The following CHCHD6 variants were observed in gnomAD, a reference collection of about 807,000 sequenced individuals.
The protein encoded by CHCHD6 is coiled-coil-helix-coiled-coil-helix domain containing 6.
CHCHD6 carries 28 observed loss-of-function variants against 32.3 expected under a neutral mutation model. The ratio of observed to expected loss-of-function variants is 0.87; its 90% CI spans 0.64 to 1.19. The LOEUF is 1.19. Ranked by LOEUF, CHCHD6 falls within the 50% of genes most tolerant of loss-of-function variation. The probability of loss-of-function intolerance (pLI) is 0.00; values close to 1 mark genes in which losing one functional copy is unlikely to be tolerated. For synonymous variants in CHCHD6, 122 were observed against 117.5 expected (o/e 1.04, Z -0.25); for missense variants, 333 against 307.0 (o/e 1.08, Z -0.63).
At chr3:126,817,782 C>T (rs1410516167) in intron 4 of CHCHD6, among the ~76,000 whole-genome samples, 2 of 152,160 alleles carry the variant, frequency 1.3e-5, no homozygotes, top group African/African-American at 4.8e-5. Flanking sequence ...CTCTTCTGCC[C>T]AGGACTGTGG....
intron 4 of CHCHD6, among the ~76,000 whole-genome samples, chr3:126,741,456 T>C (rs1322271985): frequency 6.6e-6 from 1 of 152,098 alleles, no homozygotes. Context: ...AAACACTTTA[T>C]TGATGGCCAG....
chr3:126,869,320 G>T (rs1425111597), intron 5 of CHCHD6, among the ~76,000 whole-genome samples: 1 of 124,208 alleles, frequency 8.1e-6, no homozygotes, highest in African/African-American at 3.0e-5. Context: ...TGATGACTGT[G>T]ATGGGGATTA....
chr3:126,745,750 C>A (rs1194643374), intron 4 of CHCHD6, among the ~76,000 whole-genome samples: 3 of 152,190 alleles, frequency 2.0e-5, no homozygotes, highest in African/African-American at 7.2e-5. Flanking sequence ...CCAGATCCCA[C>A]TAGTTGTTCT....
intron 5 of CHCHD6, among the ~76,000 whole-genome samples, chr3:126,898,985 G>A (rs2077881674): frequency 7.0e-6 from 1 of 143,636 alleles, no homozygotes; most frequent in Non-Finnish European, 1.5e-5. Flanking sequence ...GACCTGTGGG[G>A]CATTTGGTTC....
At chr3:126,951,366 CAG>C (rs2078713344) in intron 6 of CHCHD6, among the ~76,000 whole-genome samples, 1 of 152,040 alleles carries the variant, frequency 6.6e-6, no homozygotes, top group East Asian at 1.9e-4. Flanking sequence ...GAATACTGCA[CAG>C]AATGTTGTCA....
rs1399676760 is a variant in CHCHD6, at chr3:126,879,651, C to A, written c.495+26921C>A. ...CCAATGTGTGAACCTTGATTGGATC[C>A]TGAATGGGAGAGCAGCATCATTACT... On this transcript the variant is annotated intron_variant, in intron 5 of 7. Coordinates refer to ENST00000290913, the MANE Select transcript of CHCHD6 (RefSeq NM_032343.3). Among the ~76,000 whole-genome samples the A allele has an allele frequency of 2.6e-5, 4 of 152,124 alleles. No homozygotes were observed. The East Asian group carries it at 7.7e-4, about 29-fold the overall frequency.
At chr3:126,865,654 C>T in intron 5 of CHCHD6, 5 of 985,320 alleles carry the variant, frequency 5.1e-6, no homozygotes, top group Non-Finnish European at 6.0e-6. Context: ...ACCGCTACTA[C>T]TATTATCACC....
At position 126,730,573 on chromosome 3, in the gene CHCHD6, C is replaced by T; in HGVS notation, c.209C>T (p.Pro70Leu). ...CTTTCCTTTGCAGAATCCACACTGC[C>T]CAGGTCGGGGAGCAGTGGTGGCCAG... ...LRAPHKESTLPRSGSSGGQQP... is the reference protein window; with the variant it reads ...LRAPHKESTLLRSGSSGGQQP... Residue 70 changes from proline (P) to leucine (L), a missense_variant, in exon 3 of 8, where the codon CCC (proline) becomes CTC (leucine). Coordinates refer to ENST00000290913, the MANE Select transcript of CHCHD6 (RefSeq NM_032343.3). 1 of 1,613,732 alleles carries T rather than the reference C, an allele frequency of 6.2e-7. No individual in the cohort carries two copies. The highest frequency in any genetic ancestry group is 8.5e-7 in the Non-Finnish European group (1 of 1,179,796).
intron 1 of CHCHD6, among the ~76,000 whole-genome samples, chr3:126,725,831 T>C (rs1481107265): frequency 6.6e-6 from 1 of 152,254 alleles, no homozygotes; most frequent in African/African-American, 2.4e-5. Flanking sequence ...TTCAGTCTTT[T>C]CTTCTGCAGC....
At chr3:126,740,205 C>T (rs756969365) in intron 4 of CHCHD6, among the ~76,000 whole-genome samples, 2 of 152,166 alleles carry the variant, frequency 1.3e-5, no homozygotes, top group Non-Finnish European at 2.9e-5. Context: ...ATAGGCCCTA[C>T]TTGTCTGTGA....
chr3:126,893,268 T>C (rs1030376221), intron 5 of CHCHD6, among the ~76,000 whole-genome samples: 1 of 152,238 alleles, frequency 6.6e-6, no homozygotes, highest in African/African-American at 2.4e-5. Context: ...AGCCAGCTGA[T>C]TTATTTTTAA....
intron 4 of CHCHD6, among the ~76,000 whole-genome samples, chr3:126,807,020 G>C (rs1203951640): frequency 7.2e-6 from 1 of 139,046 alleles, no homozygotes; most frequent in African/African-American, 2.7e-5. Context: ...GACACAGGAA[G>C]GGGAACATCA....
intron 4 of CHCHD6, among the ~76,000 whole-genome samples, chr3:126,809,198 TC>T (rs1323552049): frequency 6.6e-6 from 1 of 152,280 alleles, no homozygotes; most frequent in East Asian, 1.9e-4. Context: ...GGTCTGGAAC[TC>T]CTGGCATCAA....
At chr3:126,749,446 T>C (rs1576369856) in intron 4 of CHCHD6, among the ~76,000 whole-genome samples, 1 of 152,220 alleles carries the variant, frequency 6.6e-6, no homozygotes, top group African/African-American at 2.4e-5. Flanking sequence ...GTTTCTGGCC[T>C]GAGCCAGATG....
At chr3:126,793,728 T>A (rs757748540) in intron 4 of CHCHD6, among the ~76,000 whole-genome samples, 7 of 152,332 alleles carry the variant, frequency 4.6e-5, no homozygotes, top group Middle Eastern at 3.4e-3. Context: ...CTTTCTTCAT[T>A]TTTTAAAAAT....
chr3:126,907,598 G>A (rs931399876), intron 5 of CHCHD6, among the ~76,000 whole-genome samples: 2 of 152,140 alleles, frequency 1.3e-5, no homozygotes, highest in African/African-American at 4.8e-5. Context: ...TGAATTTTGA[G>A]AAGCTTTGGA....
At chr3:126,920,211 C>CTTTTT (rs11414526) in intron 6 of CHCHD6, among the ~76,000 whole-genome samples, 4 of 138,134 alleles carry the variant, frequency 2.9e-5, no homozygotes, top group African/African-American at 8.1e-5. Flanking sequence ...ATTTGCTTTG[C>CTTTTT]TTTTTTTTTT....
chr3:126,908,698 A>G (rs1302093508), intron 5 of CHCHD6, among the ~76,000 whole-genome samples: 4 of 152,118 alleles, frequency 2.6e-5, no homozygotes, highest in Admixed American at 2.6e-4. Flanking sequence ...CCAAATACAT[A>G]GTATACTTGG....
At chr3:126,749,563 G>T (rs1385432211) in intron 4 of CHCHD6, among the ~76,000 whole-genome samples, 1 of 152,164 alleles carries the variant, frequency 6.6e-6, no homozygotes, top group Admixed American at 6.5e-5. Flanking sequence ...GAGGCCCCCA[G>T]ATACAGTAGC....
Sources: allele counts gnomAD v4.1 joint callset (sites outside exome capture counted in the v4.1 genomes callset), GRCh38; gene constraint gnomAD v4.1.1; transcripts MANE v1.5; gene names NCBI Gene and HGNC (gene_info 2026-07-23, HGNC 2026-07-21).